The following ARHGAP27 variants were observed in gnomAD, a reference collection of about 807,000 sequenced individuals.
ARHGAP27 encodes the protein rho GTPase-activating protein 27.
A neutral mutation model predicts 102.0 loss-of-function variants in ARHGAP27; 53 were observed. The ratio of observed to expected loss-of-function variants is 0.52; its 90% confidence interval spans 0.42 to 0.65. ARHGAP27 has a LOEUF of 0.65. ARHGAP27 is among the 30% of genes least tolerant of loss of function. The probability of loss-of-function intolerance (pLI) is 0.00; values close to 1 mark genes in which losing one functional copy is unlikely to be tolerated. For synonymous variants in ARHGAP27, 525 were observed against 542.8 expected (o/e 0.97, Z 0.46); for missense variants, 1,117 against 1,256.2 (o/e 0.89, Z 1.68).
rs1448522076 is a variant in ARHGAP27, at chr17:45,432,837, T to C, written c.-370A>G. 1 of 153,298 alleles carries C rather than the reference T, an allele frequency of 6.5e-6. No homozygotes were observed. The highest frequency in any genetic ancestry group is 2.4e-5 in the African/African-American group (1 of 41,476). The allele number at this position is 153,298 out of a possible 1,614,324, so 9.5% of individuals were successfully genotyped here. On this transcript the variant is annotated 5_prime_UTR_variant, in exon 1 of 20. Transcript: ENST00000685559. Reference sequence around the variant, plus strand: ...GCGTCCCGCGCTCCCTCCTCGACTGTGCGGCTCCCGCGCTGCCGGGTTTCC... The same window carrying C: ...GCGTCCCGCGCTCCCTCCTCGACTGCGCGGCTCCCGCGCTGCCGGGTTTCC...
At chr17:45,429,553 G>C in intron 4 of ARHGAP27, 70 bp downstream of exon 4, 2 of 1,561,136 alleles carry the variant, frequency 1.3e-6, no homozygotes, top group Non-Finnish European at 1.7e-6. Flanking sequence ...GTCTCCTTGC[G>C]CCCCGGCTCC....
At chr17:45,424,455 T>C (rs1203045985) in intron 4 of ARHGAP27, among the ~76,000 whole-genome samples, 1 of 152,178 alleles carries the variant, frequency 6.6e-6, no homozygotes, top group Non-Finnish European at 1.5e-5. Flanking sequence ...GATCATCAGC[T>C]ACGCCCTGGT....
Position 45,395,224 on chromosome 17 carries a change from AG to A in ARHGAP27, c.*231del. 1.7e-6 allele frequency: 1 copy of A among 588,642 alleles called. No individual in the cohort carries two copies. The highest frequency in any genetic ancestry group is 3.0e-6 in the Non-Finnish European group (1 of 337,238). 36.5% of individuals were successfully genotyped at this position (588,642 alleles called of 1,614,324 possible). On this transcript the variant is annotated 3_prime_UTR_variant, in exon 20 of 20. Transcript: ENST00000685559. ...GAAAAAACCGAATTAACCCCCAAAC[AG>A]GACGTGACGGGAAGGGAAGGGGGGA...
At chr17:45,397,363 C>T (rs1164827440) in intron 13 of ARHGAP27, 3 of 1,107,880 alleles carry the variant, frequency 2.7e-6, no homozygotes, top group Non-Finnish European at 3.4e-6. Flanking sequence ...ACGTGGCTCC[C>T]AGTTCTGAGC....
At chr17:45,397,765 G>A in intron 13 of ARHGAP27, 184 bp downstream of exon 13, 1 of 461,728 alleles carries the variant, frequency 2.2e-6, no homozygotes, top group Non-Finnish European at 3.8e-6. Flanking sequence ...CAACCCCAGG[G>A]CTGGATTCAC....
rs1051493282 is a variant in ARHGAP27, at chr17:45,394,635, A to C, written c.*821T>G. 1 of 152,210 alleles carries C rather than the reference A, an allele frequency of 6.6e-6. No homozygotes were observed. Among genetic ancestry groups the C allele is most frequent in the Non-Finnish European group, 1.5e-5 (1 of 68,054 alleles). The allele number at this position is 152,210 out of a possible 1,614,324, so 9.4% of individuals were successfully genotyped here. A position where few individuals can be genotyped will look rare whatever the true frequency, so the allele number is the denominator to read the frequency against. On this transcript the variant is annotated 3_prime_UTR_variant, in exon 20 of 20. Transcript: ENST00000685559. Reference sequence around the variant, plus strand: ...CTGATTTTCCCCCTACCCAGGCTGTACTCTGGTGTGGGAGGAGCCTTTTCT... The same window carrying C: ...CTGATTTTCCCCCTACCCAGGCTGTCCTCTGGTGTGGGAGGAGCCTTTTCT...
intron 4 of ARHGAP27, among the ~76,000 whole-genome samples, chr17:45,424,307 C>T (rs1420438251): frequency 6.6e-6 from 1 of 152,252 alleles, no homozygotes; most frequent in Non-Finnish European, 1.5e-5. Context: ...ACCTCTGTGC[C>T]TGTGCCCCAG....
chr17:45,404,475 G>GGT lies in ARHGAP27; in HGVS notation c.1381_1382dup (p.Ala463GlnfsTer31). 1 of 1,613,820 alleles carries GGT rather than the reference G, an allele frequency of 6.2e-7. No homozygotes were observed. Among genetic ancestry groups the GGT allele is most frequent in the South Asian group, 1.1e-5 (1 of 91,064 alleles). On this transcript the variant is annotated frameshift_variant, in exon 8 of 20. Coordinates refer to ENST00000685559, the MANE Select transcript of ARHGAP27 (RefSeq NM_001282290.2). LOFTEE classifies it high-confidence loss of function. ...CCTCTGGAGGGCTGGCCTGGGCTGG[G>GGT]GTGTCACCATCCTGGCTGGATTTAT...
At position 45,405,230 on chromosome 17, in the gene ARHGAP27, G is replaced by A. The variant is rs567756225; in HGVS notation, c.1066-124C>T. ...CTGAGGCTGTGGGAGCAGGAGGCGG[G>A]GTCAGAAGCGCTCAGAGGTAGCTCC... On this transcript the variant is annotated intron_variant, in intron 5 of 19. Coordinates refer to ENST00000685559, the MANE Select transcript of ARHGAP27 (RefSeq NM_001282290.2). 6.5e-6 allele frequency: 7 copies of A among 1,083,276 alleles called. No homozygotes were observed. In the South Asian group the frequency reaches 9.8e-5, roughly 15 times the overall value. The allele number at this position is 1,083,276 out of a possible 1,614,324, so 67.1% of individuals were successfully genotyped here.
intron 4 of ARHGAP27, chr17:45,410,462 T>G: frequency 3.5e-5 from 41 of 1,167,274 alleles, no homozygotes; most frequent in East Asian, 1.1e-4. Context: ...CTGCCTGAGT[T>G]GGGGCGGGTG....
chr17:45,419,514 A>ATGTATATG (rs1291595217), intron 4 of ARHGAP27, among the ~76,000 whole-genome samples: 31 of 3,212 alleles, frequency 9.7e-3, no homozygotes, highest in Admixed American at 0.02. Flanking sequence ...TGCTGTATGT[A>ATGTATATG]TATATATATA....
rs933915246 is a variant in ARHGAP27 at position 45,394,292 on chromosome 17, C to T, written c.*1164G>A. The T allele has an allele frequency of 6.6e-6, 1 of 152,272 alleles. No individual in the cohort carries two copies. The highest frequency in any genetic ancestry group is 1.5e-5 in the Non-Finnish European group (1 of 68,058). 9.4% of individuals were successfully genotyped at this position (152,272 alleles called of 1,614,324 possible). ...AGCCACAAGCTGAGGTGGCTTGTGT[C>T]TGAGGAGGGAAGGGACCCGCTGTTC... On this transcript the variant is annotated 3_prime_UTR_variant, in exon 20 of 20. Coordinates refer to ENST00000685559, the MANE Select transcript of ARHGAP27 (RefSeq NM_001282290.2).
intron 12 of ARHGAP27, chr17:45,401,492 A>T (rs2046435209): frequency 6.6e-6 from 1 of 152,252 alleles, no homozygotes; most frequent in Non-Finnish European, 1.5e-5. Context: ...AATAATCAGG[A>T]AACTACACTC....
Sources: gnomAD v4.1 joint callset for allele counts (sites outside exome capture counted in the v4.1 genomes callset) on GRCh38, gnomAD v4.1.1 for gene constraint, MANE v1.5 for transcripts, NCBI Gene and HGNC (gene_info 2026-07-23, HGNC 2026-07-21) for gene names.